Variants in MAGI2 observed in about 807,000 individuals in gnomAD.
MAGI2 encodes the protein membrane-associated guanylate kinase, WW and PDZ domain-containing protein 2.
In MAGI2, 35 loss-of-function variants were observed where a neutral mutation model predicts 133.3. The observed-to-expected ratio is 0.26, with a 90% CI of 0.20 to 0.35. MAGI2 has a LOEUF of 0.35. MAGI2 is among the 10% of genes least tolerant of loss of function. MAGI2 has a pLI of 1.00. For missense variants in MAGI2, 1,636 were observed against 1,863.4 expected (o/e 0.88, Z 2.25); for synonymous variants, 729 against 710.6 (o/e 1.03, Z -0.41).
At chr7:79,136,024 A>AAG (rs1821441144) in intron 1 of MAGI2, among the ~76,000 whole-genome samples, 1 of 126,918 alleles carries the variant, frequency 7.9e-6, no homozygotes, top group African/African-American at 3.8e-5. Context: ...AAAGAAAGAA[A>AAG]GAAGGAAAGA....
chr7:78,590,113 G>C (rs1339478462), intron 3 of MAGI2, among the ~76,000 whole-genome samples: 1 of 152,212 alleles, frequency 6.6e-6, no homozygotes, highest in East Asian at 1.9e-4. Context: ...TTCTTAGGGA[G>C]AGGCAGAAGA....
At chr7:79,419,953 G>C (rs1846826198) in intron 1 of MAGI2, among the ~76,000 whole-genome samples, 1 of 152,118 alleles carries the variant, frequency 6.6e-6, no homozygotes, top group African/African-American at 2.4e-5. Flanking sequence ...CAGGTTTACT[G>C]CAAGAAGTTA....
intron 2 of MAGI2, among the ~76,000 whole-genome samples, chr7:78,859,580 T>C (rs1793982393): frequency 6.6e-6 from 1 of 152,246 alleles, no homozygotes; most frequent in Admixed American, 6.5e-5. Context: ...CACTCTCTTC[T>C]GGCTTGTAGA....
chr7:78,803,505 G>A (rs1041746362), intron 2 of MAGI2, among the ~76,000 whole-genome samples: 3 of 151,730 alleles, frequency 2.0e-5, no homozygotes, highest in African/African-American at 7.3e-5. Flanking sequence ...TTTTTGCAAT[G>A]AGCAGAGTAT....
chr7:79,371,440 CAT>C (rs1167156682), intron 1 of MAGI2, among the ~76,000 whole-genome samples: 1 of 151,956 alleles, frequency 6.6e-6, no homozygotes, highest in African/African-American at 2.4e-5. Context: ...CTGTTAACTA[CAT>C]ATATGATAGT....
At chr7:78,121,748 G>A (rs1411757191) in intron 20 of MAGI2, among the ~76,000 whole-genome samples, 3 of 152,086 alleles carry the variant, frequency 2.0e-5, no homozygotes, top group African/African-American at 7.2e-5. Context: ...GTCTTGCATA[G>A]GTACAGCAGG....
intron 1 of MAGI2, among the ~76,000 whole-genome samples, chr7:79,359,130 T>TA (rs1415603885): frequency 6.6e-6 from 1 of 151,966 alleles, no homozygotes; most frequent in African/African-American, 2.4e-5. Flanking sequence ...ATGAAAACAT[T>TA]AAAAAATCTC....
chr7:79,161,051 C>T (rs1824303976), intron 1 of MAGI2, among the ~76,000 whole-genome samples: 2 of 151,652 alleles, frequency 1.3e-5, no homozygotes, highest in Admixed American at 1.3e-4. Context: ...GGGATCAGAA[C>T]ATAAAAACAT....
intron 4 of MAGI2, chr7:78,518,147 G>GA (rs1330181322): frequency 4.6e-5 from 7 of 152,018 alleles, no homozygotes; most frequent in Non-Finnish European, 7.4e-5. Context: ...TAAAAACTAG[G>GA]AATTTTTTAT....
At chr7:79,268,796 A>C (rs889244834) in intron 1 of MAGI2, among the ~76,000 whole-genome samples, 6 of 152,178 alleles carry the variant, frequency 3.9e-5, no homozygotes, top group Admixed American at 1.3e-4. Flanking sequence ...AGAAAGAAAT[A>C]ACATAACAGC....
intron 1 of MAGI2, among the ~76,000 whole-genome samples, chr7:79,174,472 C>T (rs1239173998): frequency 6.6e-6 from 1 of 151,760 alleles, no homozygotes; most frequent in Admixed American, 6.6e-5. Flanking sequence ...GAGAACATGA[C>T]AAACTGGGGA....
At chr7:79,196,451 T>C (rs1340477828) in intron 1 of MAGI2, among the ~76,000 whole-genome samples, 1 of 152,016 alleles carries the variant, frequency 6.6e-6, no homozygotes, top group Non-Finnish European at 1.5e-5. Context: ...TCTACTCTAA[T>C]CTTGCTATTT....
chr7:78,392,981 C>T (rs1198047450), intron 6 of MAGI2, among the ~76,000 whole-genome samples: 1 of 151,966 alleles, frequency 6.6e-6, no homozygotes, highest in Admixed American at 6.6e-5. Context: ...ATATTTACAT[C>T]ATTAGTACAT....
At chr7:78,145,522 C>T (rs1471834502) in intron 16 of MAGI2, among the ~76,000 whole-genome samples, 1 of 152,146 alleles carries the variant, frequency 6.6e-6, no homozygotes, top group African/African-American at 2.4e-5. Context: ...TGGTCTGCTG[C>T]TTCTCCTATA....
chr7:78,489,556 GCA>G (rs1438604210), intron 6 of MAGI2, among the ~76,000 whole-genome samples: 1 of 152,072 alleles, frequency 6.6e-6, no homozygotes, highest in Non-Finnish European at 1.5e-5. Flanking sequence ...GTGATATTCA[GCA>G]CAGTCTCCTC....
At chr7:78,661,532 A>C (rs1180660065) in intron 2 of MAGI2, among the ~76,000 whole-genome samples, 1 of 152,148 alleles carries the variant, frequency 6.6e-6, no homozygotes, top group South Asian at 2.1e-4. Flanking sequence ...TTCCTCCTTC[A>C]CATCAAGTCC....
intron 2 of MAGI2, among the ~76,000 whole-genome samples, chr7:78,881,964 A>C (rs1275733624): frequency 6.6e-6 from 1 of 151,394 alleles, no homozygotes; most frequent in East Asian, 1.9e-4. Context: ...AATCAGAGCA[A>C]AACTGAATGA....
chr7:79,004,928 C>G (rs984061878), intron 2 of MAGI2, among the ~76,000 whole-genome samples: 2 of 151,748 alleles, frequency 1.3e-5, no homozygotes, highest in Non-Finnish European at 2.9e-5. Context: ...ACTAAAAATA[C>G]AAAATTAGCC....
intron 3 of MAGI2, among the ~76,000 whole-genome samples, chr7:78,558,601 C>T (rs1800063643): frequency 6.6e-6 from 1 of 152,098 alleles, no homozygotes; most frequent in Non-Finnish European, 1.5e-5. Context: ...CCCAGGAGGC[C>T]AAAATGTAGG....
Sources: gnomAD v4.1 joint callset for allele counts (sites outside exome capture counted in the v4.1 genomes callset) on GRCh38, gnomAD v4.1.1 for gene constraint, MANE v1.5 for transcripts, NCBI Gene and HGNC (gene_info 2026-07-23, HGNC 2026-07-21) for gene names.